Variants in VWA8 observed in about 807,000 individuals in gnomAD.
The protein encoded by VWA8 is von Willebrand factor A domain-containing protein 8.
VWA8 carries 221 observed loss-of-function variants against 241.5 expected under a neutral mutation model. The observed-to-expected ratio is 0.91, with a 90% CI of 0.82 to 1.02. VWA8 has a LOEUF of 1.02. VWA8 is among the 50% of genes least tolerant of loss of function. The probability of loss-of-function intolerance (pLI) is 0.00; values close to 1 mark genes in which losing one functional copy is unlikely to be tolerated. For synonymous variants in VWA8, 852 were observed against 827.1 expected (o/e 1.03, Z -0.52); for missense variants, 2,322 against 2,328.7 (o/e 1.00, Z 0.06).
At chr13:41,590,551 G>C in intron 41 of VWA8, 89 bp downstream of exon 41, 1 of 1,085,088 alleles carries the variant, frequency 9.2e-7, no homozygotes, top group Non-Finnish European at 1.2e-6. Context: ...TTCAGGATTT[G>C]TGATATTTTG....
intron 2 of VWA8, among the ~76,000 whole-genome samples, chr13:41,912,583 T>C (rs1443088407): frequency 6.6e-6 from 1 of 152,138 alleles, no homozygotes. Context: ...ATCTTTTTGT[T>C]CTAAAAGAGA....
At chr13:41,610,681 G>A (rs1268163103) in intron 39 of VWA8, among the ~76,000 whole-genome samples, 4 of 152,120 alleles carry the variant, frequency 2.6e-5, no homozygotes, top group Non-Finnish European at 4.4e-5. Context: ...TTCTAACTGC[G>A]CCCATCTCCT....
intron 35 of VWA8, among the ~76,000 whole-genome samples, chr13:41,683,256 TAA>T (rs71096535): frequency 7.1e-6 from 1 of 141,464 alleles, no homozygotes. Context: ...ACTTGGCAAT[TAA>T]AAAAAAAAAA....
chr13:41,944,462 A>G (rs1431857623), intron 2 of VWA8, among the ~76,000 whole-genome samples: 1 of 152,150 alleles, frequency 6.6e-6, no homozygotes, highest in Admixed American at 6.6e-5. Flanking sequence ...CTCAACCACA[A>G]TAAAAAACAA....
intron 37 of VWA8, among the ~76,000 whole-genome samples, chr13:41,631,543 T>A (rs1038656667): frequency 6.6e-6 from 1 of 152,144 alleles, no homozygotes; most frequent in Non-Finnish European, 1.5e-5. Flanking sequence ...AACAGAGTTG[T>A]TTGAAAGGCT....
chr13:41,842,127 A>G (rs1566478286), intron 12 of VWA8, among the ~76,000 whole-genome samples: 4 of 152,024 alleles, frequency 2.6e-5, no homozygotes, highest in Non-Finnish European at 4.4e-5. Context: ...CACACCTATT[A>G]GTGGCAGCAG....
chr13:41,796,656 G>A (rs1012560162), intron 17 of VWA8, among the ~76,000 whole-genome samples: 1 of 151,800 alleles, frequency 6.6e-6, no homozygotes, highest in African/African-American at 2.4e-5. Flanking sequence ...ATGAATTTAT[G>A]CCGTTAACTT....
intron 21 of VWA8, among the ~76,000 whole-genome samples, chr13:41,748,849 A>C (rs183447568): frequency 1.1e-4 from 16 of 152,336 alleles, no homozygotes; most frequent in African/African-American, 3.8e-4. Flanking sequence ...ACCATATACA[A>C]AAATTAATTC....
At chr13:41,593,632 C>T (rs2044470664) in intron 40 of VWA8, among the ~76,000 whole-genome samples, 1 of 152,206 alleles carries the variant, frequency 6.6e-6, no homozygotes, top group Non-Finnish European at 1.5e-5. Flanking sequence ...AATCCTCAGG[C>T]TTCCTGGATA....
intron 3 of VWA8, among the ~76,000 whole-genome samples, chr13:41,908,996 T>A (rs1159012642): frequency 2.0e-5 from 3 of 152,138 alleles, no homozygotes; most frequent in Admixed American, 6.5e-5. Context: ...AATTTAGGTC[T>A]CCTTTAATGT....
intron 26 of VWA8, among the ~76,000 whole-genome samples, chr13:41,705,310 A>C (rs2045276084): frequency 1.3e-5 from 2 of 151,318 alleles, no homozygotes. Flanking sequence ...GGGGGAGGGT[A>C]CTGAATTAGG....
chr13:41,871,301 AT>A (rs1873597744), intron 9 of VWA8, among the ~76,000 whole-genome samples: 2 of 152,026 alleles, frequency 1.3e-5, no homozygotes, highest in African/African-American at 4.8e-5. Flanking sequence ...TTTCTTTTTT[AT>A]TTTTTTAAAT....
chr13:41,902,032 G>C (rs867769622), intron 4 of VWA8, among the ~76,000 whole-genome samples: 1 of 150,962 alleles, frequency 6.6e-6, no homozygotes, highest in South Asian at 2.1e-4. Flanking sequence ...ACAGTAAACA[G>C]AGAGAGATCT....
chr13:41,864,458 A>G (rs1873193466), intron 12 of VWA8: 1 of 291,868 alleles, frequency 3.4e-6, no homozygotes, highest in South Asian at 3.1e-5. Context: ...ATGGAGAAAC[A>G]AAGAGTGGTA....
At chr13:41,650,533 CT>C (rs1209813140) in intron 37 of VWA8, among the ~76,000 whole-genome samples, 9 of 152,236 alleles carry the variant, frequency 5.9e-5, no homozygotes, top group African/African-American at 2.2e-4. Context: ...GCCTGGAAAA[CT>C]CCAAAGGATT....
chr13:41,715,875 G>C (rs545591510), intron 26 of VWA8, among the ~76,000 whole-genome samples: 6 of 152,136 alleles, frequency 3.9e-5, no homozygotes, highest in South Asian at 4.1e-4. Flanking sequence ...TCCCCATCTT[G>C]AGTGTGGGGA....
chr13:41,946,854 TC>T (rs1402581311), intron 2 of VWA8, among the ~76,000 whole-genome samples: 1 of 152,184 alleles, frequency 6.6e-6, no homozygotes, highest in Non-Finnish European at 1.5e-5. Context: ...CCTGTGTACT[TC>T]CTTGTAAAAT....
chr13:41,812,591 G>A (rs1468996992), intron 16 of VWA8, among the ~76,000 whole-genome samples: 1 of 152,040 alleles, frequency 6.6e-6, no homozygotes, highest in African/African-American at 2.4e-5. Context: ...TCCACCTAAG[G>A]TCATCTCCGT....
At chr13:41,871,967 G>A (rs528149927) in intron 9 of VWA8, among the ~76,000 whole-genome samples, 2 of 152,284 alleles carry the variant, frequency 1.3e-5, no homozygotes, top group South Asian at 4.1e-4. Flanking sequence ...TGCAGCACCT[G>A]TTGTTTCCTG....
Sources: allele counts gnomAD v4.1 joint callset (sites outside exome capture counted in the v4.1 genomes callset), GRCh38; gene constraint gnomAD v4.1.1; transcripts MANE v1.5; gene names NCBI Gene and HGNC (gene_info 2026-07-23, HGNC 2026-07-21).